Variants in KCNMA1 observed in about 807,000 individuals in gnomAD.
KCNMA1 encodes the protein potassium calcium-activated channel subfamily M alpha 1, also known as Calcium-activated potassium channel subunit alpha-1.
A neutral mutation model predicts 140.0 loss-of-function variants in KCNMA1; 29 were observed. That is an observed-to-expected ratio of 0.21 (90% CI 0.15 to 0.28). The LOEUF (loss-of-function observed/expected upper bound fraction) is 0.28, where lower values mean the gene tolerates loss of function less well. KCNMA1 is among the 10% of genes least tolerant of loss of function. The pLI is 1.00. For missense variants in KCNMA1, 880 were observed against 1,602.2 expected (o/e 0.55, Z 7.70); for synonymous variants, 612 against 611.9 (o/e 1.00, Z 0.00).
chr10:76,987,522 T>G (rs561109586), intron 19 of KCNMA1, among the ~76,000 whole-genome samples: 17 of 152,328 alleles, frequency 1.1e-4, no homozygotes, highest in African/African-American at 4.1e-4. Context: ...AAAGCAGCCA[T>G]GGACACTGAG....
chr10:77,120,984 A>G lies in KCNMA1; in HGVS notation c.873T>C (p.Ile291=). ...GAAGAACATCTTACCTTGTTTTAAG[A>G]ATATTCAGAAACTGCAAAATTTCTG... ...QFSEILQFLN[I]LKTSNSIKLV... is the part of the protein sequence containing the mutation. Residue 291 remains isoleucine, a synonymous_variant, in exon 6 of 28, where the codon ATT becomes ATC. Transcript: ENST00000286628. 6.3e-7 allele frequency: 1 copy of G among 1,590,930 alleles called. No homozygotes were observed. The highest frequency in any genetic ancestry group is 8.6e-7 in the Non-Finnish European group (1 of 1,159,630).
chr10:77,295,787 C>CAAAAAAAAAAAAAAAAAAAAAAA (rs36034012), intron 2 of KCNMA1, among the ~76,000 whole-genome samples: 1 of 43,246 alleles, frequency 2.3e-5, no homozygotes, highest in African/African-American at 8.5e-5. Context: ...GACTCCGTCT[C>CAAAAAAAAAAAAAAAAAAAAAAA]AAAAAAAAAA....
intron 1 of KCNMA1, among the ~76,000 whole-genome samples, chr10:77,543,212 T>C (rs2060605716): frequency 6.6e-6 from 1 of 152,214 alleles, no homozygotes; most frequent in African/African-American, 2.4e-5. Context: ...AAGAGTTAAA[T>C]GTGGTCCTAC....
intron 19 of KCNMA1, among the ~76,000 whole-genome samples, chr10:76,991,080 A>G (rs1293973791): frequency 1.3e-5 from 2 of 152,200 alleles, no homozygotes; most frequent in Admixed American, 6.5e-5. Context: ...ATGTTGCTCT[A>G]CATTTGGGCA....
intron 5 of KCNMA1, among the ~76,000 whole-genome samples, chr10:77,146,285 T>C (rs766241021): frequency 6.6e-6 from 1 of 152,142 alleles, no homozygotes; most frequent in Non-Finnish European, 1.5e-5. Flanking sequence ...CATTACCCAG[T>C]AAGAAAAAAC....
chr10:76,938,676 C>A (rs1231402320), intron 23 of KCNMA1, among the ~76,000 whole-genome samples: 1 of 152,192 alleles, frequency 6.6e-6, no homozygotes, highest in African/African-American at 2.4e-5. Flanking sequence ...AGCTTCCTAA[C>A]TCAAGAAAGA....
intron 11 of KCNMA1, 51 bp from the exon 12 acceptor site, chr10:77,084,770 G>T (rs1047507491): frequency 3.1e-6 from 4 of 1,310,892 alleles, no homozygotes; most frequent in African/African-American, 2.9e-5. Flanking sequence ...AAATAGCCAT[G>T]CTCGAGTGTA....
At chr10:77,031,794 CT>C in intron 15 of KCNMA1, among the ~76,000 whole-genome samples, 1 of 152,324 alleles carries the variant, frequency 6.6e-6, no homozygotes, top group Admixed American at 6.5e-5. Flanking sequence ...TGAGTTTTTC[CT>C]GTACAGGATG....
At chr10:77,331,620 C>G (rs2086453903) in intron 2 of KCNMA1, among the ~76,000 whole-genome samples, 1 of 149,184 alleles carries the variant, frequency 6.7e-6, no homozygotes, top group Non-Finnish European at 1.5e-5. Context: ...GAGTTCAAGA[C>G]CAGCATGGGC....
chr10:77,617,735 T>C (rs1403577452), intron 1 of KCNMA1, among the ~76,000 whole-genome samples: 1 of 152,210 alleles, frequency 6.6e-6, no homozygotes, highest in Non-Finnish European at 1.5e-5. Flanking sequence ...ATCTACATCA[T>C]AGGCTGATTT....
chr10:77,062,874 A>G (rs2095805443), intron 14 of KCNMA1, among the ~76,000 whole-genome samples: 1 of 152,206 alleles, frequency 6.6e-6, no homozygotes, highest in Non-Finnish European at 1.5e-5. Context: ...CAGTGGGGAA[A>G]GCGCTGAGCT....
At chr10:77,305,409 C>T (rs1044559263) in intron 2 of KCNMA1, among the ~76,000 whole-genome samples, 13 of 152,100 alleles carry the variant, frequency 8.5e-5, no homozygotes, top group African/African-American at 2.7e-4. Flanking sequence ...GAGAAAGAAA[C>T]GAAGGTTGAA....
At chr10:77,177,127 G>A (rs1398860401) in intron 5 of KCNMA1, among the ~76,000 whole-genome samples, 1 of 152,080 alleles carries the variant, frequency 6.6e-6, no homozygotes, top group Non-Finnish European at 1.5e-5. Context: ...TAGAGCCTCT[G>A]GAGAGACCCA....
At chr10:77,117,289 C>G (rs2153921751) in intron 6 of KCNMA1, among the ~76,000 whole-genome samples, 1 of 152,096 alleles carries the variant, frequency 6.6e-6, no homozygotes, top group South Asian at 2.1e-4. Context: ...TGGCTCACAC[C>G]TGTAATCCCA....
intron 3 of KCNMA1, among the ~76,000 whole-genome samples, chr10:77,202,644 C>CT (rs143498862): frequency 0.071 from 10,821 of 152,192 alleles, 447 homozygotes; most frequent in African/African-American, 0.11. Flanking sequence ...TAAGAAACAA[C>CT]TGAAAAGGCT....
chr10:77,230,146 G>T (rs1168731673), intron 3 of KCNMA1, among the ~76,000 whole-genome samples: 1 of 152,198 alleles, frequency 6.6e-6, no homozygotes, highest in Non-Finnish European at 1.5e-5. Flanking sequence ...GCTACAACGT[G>T]GATGAACCTT....
chr10:77,110,409 C>T (rs1445006013), intron 7 of KCNMA1, 66 bp from the exon 8 acceptor site: 28 of 1,402,066 alleles, frequency 2.0e-5, no homozygotes, highest in South Asian at 1.0e-4. Flanking sequence ...ATGCAATAAA[C>T]GCGGAAGCTC....
intron 14 of KCNMA1, among the ~76,000 whole-genome samples, chr10:77,050,335 TAGAA>T (rs934847253): frequency 2.7e-5 from 4 of 150,198 alleles, no homozygotes; most frequent in Non-Finnish European, 5.9e-5. Flanking sequence ...GGAAGGGAGT[TAGAA>T]AGAACATTTG....
chr10:77,035,630 C>T (rs1429964323), intron 15 of KCNMA1, among the ~76,000 whole-genome samples: 1 of 152,180 alleles, frequency 6.6e-6, no homozygotes, highest in Admixed American at 6.5e-5. Context: ...GCACATATCC[C>T]AATTCATTAA....
Sources: gnomAD v4.1 joint callset for allele counts (sites outside exome capture counted in the v4.1 genomes callset) on GRCh38, gnomAD v4.1.1 for gene constraint, MANE v1.5 for transcripts, NCBI Gene and HGNC (gene_info 2026-07-23, HGNC 2026-07-21) for gene names.